The following CCND3 variants were observed in gnomAD, a reference collection of about 807,000 sequenced individuals.
CCND3 encodes cyclin D3.
In CCND3, 9 loss-of-function variants were observed where a neutral mutation model predicts 28.7. The ratio of observed to expected loss-of-function variants is 0.31; its 90% CI spans 0.19 to 0.55. The LOEUF (loss-of-function observed/expected upper bound fraction) is 0.55, where lower values mean the gene tolerates loss of function less well. CCND3 is among the 20% of genes least tolerant of loss of function. CCND3 has a pLI of 0.93. For synonymous variants in CCND3, 164 were observed against 163.9 expected (o/e 1.00, Z 0.00); for missense variants, 315 against 385.8 (o/e 0.82, Z 1.54).
intron 1 of CCND3, among the ~76,000 whole-genome samples, chr6:41,993,814 T>C (rs1215172641): frequency 2.0e-5 from 3 of 150,860 alleles, no homozygotes; most frequent in African/African-American, 4.9e-5. Flanking sequence ...TCCCAGCTAC[T>C]TGGGAGGCTG....
At chr6:41,963,952 C>T (rs908516852) in intron 1 of CCND3, among the ~76,000 whole-genome samples, 1 of 152,210 alleles carries the variant, frequency 6.6e-6, no homozygotes, top group East Asian at 1.9e-4. Context: ...GACTCTTCCC[C>T]CCACCTCTAG....
chr6:41,951,558 A>C (rs1776313002), intron 1 of CCND3, among the ~76,000 whole-genome samples: 1 of 77,802 alleles, frequency 1.3e-5, no homozygotes, highest in Admixed American at 1.2e-4. Flanking sequence ...ACACACACAC[A>C]CACACACACA....
At chr6:42,022,230 C>G (rs1231492536) in intron 1 of CCND3, among the ~76,000 whole-genome samples, 1 of 152,172 alleles carries the variant, frequency 6.6e-6, no homozygotes, top group Non-Finnish European at 1.5e-5. Context: ...TGGCCTGAAT[C>G]CACAGGCCAA....
intron 1 of CCND3, among the ~76,000 whole-genome samples, chr6:42,047,021 C>T (rs1194780735): frequency 1.4e-4 from 21 of 152,178 alleles, no homozygotes; most frequent in Admixed American, 1.4e-3. Context: ...AATCCTAATG[C>T]CTACCTCATA....
chr6:41,956,948 AT>A (rs1486235699), intron 1 of CCND3, among the ~76,000 whole-genome samples: 2 of 152,196 alleles, frequency 1.3e-5, no homozygotes. Context: ...GGAGAATGGC[AT>A]GAACCCGGGA....
chr6:42,026,452 G>C (rs542506274), intron 1 of CCND3, among the ~76,000 whole-genome samples: 1 of 152,088 alleles, frequency 6.6e-6, no homozygotes, highest in East Asian at 1.9e-4. Flanking sequence ...CAGCGTGAGG[G>C]CATTAGCCAA....
At chr6:41,996,516 C>T (rs4714536) in intron 1 of CCND3, among the ~76,000 whole-genome samples, 149,284 of 152,194 alleles carry the variant, frequency 0.98, 73,272 homozygotes, top group East Asian at 1. Flanking sequence ...AGCCTTTCTA[C>T]GAAGCCTTTC....
chr6:41,994,451 T>C (rs1325209263), intron 1 of CCND3, among the ~76,000 whole-genome samples: 1 of 152,102 alleles, frequency 6.6e-6, no homozygotes, highest in Non-Finnish European at 1.5e-5. Context: ...AGACCAGTGG[T>C]TCCCAGGAAT....
chr6:41,989,528 C>G lies in CCND3; in HGVS notation c.-45-48943G>C, dbSNP rs539461007. On this transcript the variant is annotated intron_variant, in intron 1 of 4. Transcript: ENST00000372988. ...TTACAAAGTGGGCAGAAGAACCAAG[C>G]TGATATCTCACCAAACATCTACAGA... Among the ~76,000 whole-genome samples, 16 of 150,720 alleles carry G rather than the reference C, an allele frequency of 1.1e-4. 1 individual carries two copies. The East Asian group carries it at 3.1e-3, about 29-fold the overall frequency.
At chr6:42,027,718 CCTCT>C (rs773176919) in intron 1 of CCND3, among the ~76,000 whole-genome samples, 112 of 152,144 alleles carry the variant, frequency 7.4e-4, no homozygotes, top group Non-Finnish European at 1.5e-3. Flanking sequence ...GATCTCTTAG[CCTCT>C]CTAAGCCTCA....
chr6:42,033,843 C>T (rs1461526156), intron 1 of CCND3, among the ~76,000 whole-genome samples: 2 of 147,228 alleles, frequency 1.4e-5, no homozygotes, highest in Non-Finnish European at 3.0e-5. Flanking sequence ...AAGAGCGAAA[C>T]TCCGTCTCAA....
intron 1 of CCND3, among the ~76,000 whole-genome samples, chr6:41,970,144 T>C (rs1331563606): frequency 1.3e-5 from 2 of 151,958 alleles, no homozygotes; most frequent in African/African-American, 2.4e-5. Flanking sequence ...ATTGAGACCA[T>C]CTTGGCCAAC....
chr6:42,031,973 T>C (rs926058978), intron 1 of CCND3, among the ~76,000 whole-genome samples: 7 of 152,148 alleles, frequency 4.6e-5, no homozygotes, highest in African/African-American at 1.7e-4. Context: ...GTATTTTTAA[T>C]AGAGACGGGG....
chr6:42,026,273 TCCCCCCGCCGC>T (rs1437435082), intron 1 of CCND3, among the ~76,000 whole-genome samples: 1 of 150,828 alleles, frequency 6.6e-6, no homozygotes, highest in Admixed American at 6.6e-5. Flanking sequence ...ACAGACCCTC[TCCCCCCGCCGC>T]CCCCCTGCCA....
chr6:42,037,295 T>A (rs1441383221), intron 1 of CCND3, among the ~76,000 whole-genome samples: 1 of 149,254 alleles, frequency 6.7e-6, no homozygotes, highest in Non-Finnish European at 1.5e-5. Context: ...TGGAGTGCAG[T>A]GGCACGATCT....
chr6:41,991,368 T>C (rs1447942649), intron 1 of CCND3, among the ~76,000 whole-genome samples: 1 of 152,236 alleles, frequency 6.6e-6, no homozygotes, highest in Non-Finnish European at 1.5e-5. Flanking sequence ...CCCGCTCAGG[T>C]ACATAGCTCA....
intron 1 of CCND3, among the ~76,000 whole-genome samples, chr6:42,016,767 T>C (rs2093703040): frequency 6.6e-6 from 1 of 151,958 alleles, no homozygotes; most frequent in African/African-American, 2.4e-5. Flanking sequence ...GTATTTTTAG[T>C]AGAGACAGGG....
intron 1 of CCND3, among the ~76,000 whole-genome samples, chr6:42,033,878 T>A (rs1044198142): frequency 7.3e-5 from 11 of 150,360 alleles, no homozygotes; most frequent in South Asian, 2.1e-4. Flanking sequence ...AAAACATTTT[T>A]AATTTAATTT....
At chr6:41,959,790 T>C (rs1348404355) in intron 1 of CCND3, among the ~76,000 whole-genome samples, 2 of 150,828 alleles carry the variant, frequency 1.3e-5, no homozygotes, top group East Asian at 2.0e-4. Flanking sequence ...ATCCTATCTC[T>C]ACTAAAAATA....
Sources: allele counts gnomAD v4.1 joint callset (sites outside exome capture counted in the v4.1 genomes callset), GRCh38; gene constraint gnomAD v4.1.1; transcripts MANE v1.5; gene names NCBI Gene and HGNC (gene_info 2026-07-23, HGNC 2026-07-21).